The following MYOM2 variants were observed in gnomAD, a reference collection of about 807,000 sequenced individuals.
The protein encoded by MYOM2 is myomesin 2.
Under a neutral mutation model 187.6 loss-of-function variants are expected in MYOM2, and 254 were observed. That is an observed-to-expected ratio of 1.35 (90% CI 1.22 to 1.50). MYOM2 has a LOEUF of 1.50. Ranked by LOEUF, MYOM2 falls within the 40% of genes most tolerant of loss-of-function variation. The pLI is 0.00. For missense variants in MYOM2, 2,796 were observed against 1,924.0 expected (o/e 1.45, Z -8.48); for synonymous variants, 981 against 753.8 (o/e 1.30, Z -4.94).
At chr8:2,057,595 A>G (rs766434778) in intron 4 of MYOM2, 28 bp from the exon 5 acceptor site, 1 of 1,613,312 alleles carries the variant, frequency 6.2e-7, no homozygotes, top group Admixed American at 1.7e-5. Context: ...CTGCCTGGGA[A>G]CCTGACCATC....
At chr8:2,057,061 G>T (rs1175112771) in intron 3 of MYOM2, among the ~76,000 whole-genome samples, 1 of 152,156 alleles carries the variant, frequency 6.6e-6, no homozygotes, top group African/African-American at 2.4e-5. Flanking sequence ...TTGCAGTTGT[G>T]CACTGTCAGT....
rs191647850 is a variant in MYOM2 at position 2,078,869 on chromosome 8, C to G, written c.1398C>G (p.Ser466Arg). The G allele has an allele frequency of 4.5e-4, 719 of 1,614,076 alleles. No homozygotes were observed. The highest frequency in any genetic ancestry group is 4.2e-4 in the Non-Finnish European group (496 of 1,179,940). ...GGGCAGTGAACAGTGCGGGCATCAG[C>G]CGACCCTCCAGGGTCTCTGATGCGG... ...RVRAVNSAGI[S>R]RPSRVSDAVA... Residue 466 changes from serine to arginine, a missense_variant, in exon 12 of 37, where the codon AGC becomes AGG. Ser to Arg is a moderately radical substitution (Grantham distance 110, BLOSUM62 -1). Coordinates refer to ENST00000262113, the MANE Select transcript of MYOM2 (RefSeq NM_003970.4).
At chr8:2,050,238 G>T (rs182412706) in intron 1 of MYOM2, among the ~76,000 whole-genome samples, 10 of 151,876 alleles carry the variant, frequency 6.6e-5, no homozygotes, top group African/African-American at 2.2e-4. Context: ...TCCCACCTCC[G>T]CCTGGCAGTC....
Position 2,105,982 on chromosome 8 carries a change from G to A in MYOM2, c.2735-260G>A, listed in dbSNP as rs117568069. 2.4e-3 allele frequency among the ~76,000 whole-genome samples: 367 copies of A among 152,288 alleles called. 12 individuals are homozygous for A. The East Asian group carries it at 0.062, about 26-fold the overall frequency. On this transcript the variant is annotated intron_variant, in intron 21 of 36. Coordinates refer to ENST00000262113, the MANE Select transcript of MYOM2 (RefSeq NM_003970.4). ...AGGGCACTTCTTCACAGGGCGGCAG[G>A]ACAGAGTGAGTGCCAGCAGGGGGAA...
At chr8:2,113,293 C>A (rs17751791) in intron 25 of MYOM2, among the ~76,000 whole-genome samples, 19,622 of 152,294 alleles carry the variant, frequency 0.13, 1,676 homozygotes, top group Non-Finnish European at 0.19. Flanking sequence ...CGTCAAGACC[C>A]TGCTCAATGT....
Position 2,085,500 on chromosome 8 carries a change from T to TGATCTCCGCGTGGCCTCACTGTC in MYOM2, c.1644+111_1644+112insATCTCCGCGTGGCCTCACTGTCG. 3.2e-6 allele frequency: 2 copies of TGATCTCCGCGTGGCCTCACTGTC among 629,098 alleles called. 1 individual carries two copies. The highest frequency in any genetic ancestry group is 4.1e-6 in the Non-Finnish European group (2 of 484,020). The allele number at this position is 629,098 out of a possible 1,614,324, so 39.0% of individuals were successfully genotyped here. A position where few individuals can be genotyped will look rare whatever the true frequency, so the allele number is the denominator to read the frequency against. On this transcript the variant is annotated intron_variant, in intron 14 of 36. Transcript: ENST00000262113. ...TGATCTCCGCGTGGCCCCTCACTGT[T>TGATCTCCGCGTGGCCTCACTGTC]GTGATCTCCGCGTGGCCCCCCACTG...
At chr8:2,077,844 C>T (rs778405498) in intron 11 of MYOM2, among the ~76,000 whole-genome samples, 5 of 152,206 alleles carry the variant, frequency 3.3e-5, no homozygotes, top group East Asian at 1.9e-4. Flanking sequence ...TTTGGGCTTA[C>T]GACTTGCCAG....
At chr8:2,107,579 C>T (rs981418958) in intron 23 of MYOM2, among the ~76,000 whole-genome samples, 2 of 152,050 alleles carry the variant, frequency 1.3e-5, no homozygotes, top group African/African-American at 2.4e-5. Context: ...CTCGGCTTCT[C>T]GAGTGTGCAG....
intron 14 of MYOM2, among the ~76,000 whole-genome samples, chr8:2,086,451 G>GATCTCCACGTGGCCACACACTGTCA (rs1796067076): frequency 1.8e-5 from 1 of 55,748 alleles, no homozygotes; most frequent in Non-Finnish European, 4.5e-5. Context: ...CCCTACTGTC[G>GATCTCCACGTGGCCACACACTGTCA]TGATCTCCAC....
At chr8:2,143,366 G>C in intron 35 of MYOM2, 35 bp from the exon 36 acceptor site, 3 of 1,614,086 alleles carry the variant, frequency 1.9e-6, no homozygotes, top group African/African-American at 1.3e-5. Context: ...ACGTCCCGCA[G>C]ATGTTTTCCT....
intron 13 of MYOM2, among the ~76,000 whole-genome samples, chr8:2,080,873 G>A (rs1317543982): frequency 3.3e-5 from 5 of 150,778 alleles, no homozygotes; most frequent in Non-Finnish European, 5.9e-5. Context: ...CTGATCTGCG[G>A]GAGGAACAGG....
chr8:2,051,670 G>A (rs979754513), intron 2 of MYOM2, among the ~76,000 whole-genome samples: 2 of 152,206 alleles, frequency 1.3e-5, no homozygotes, highest in South Asian at 2.1e-4. Flanking sequence ...TAATCCTGGC[G>A]TGGAGCCAGA....
chr8:2,067,741 GT>G (rs1819064272), intron 6 of MYOM2, among the ~76,000 whole-genome samples: 1 of 101,720 alleles, frequency 9.8e-6, no homozygotes, highest in Non-Finnish European at 2.1e-5. Flanking sequence ...CTATTCCTAA[GT>G]CATGTTTTTT....
At position 2,052,458 on chromosome 8, in the gene MYOM2, G is replaced by C. The variant is rs142591720; in HGVS notation, c.263+145G>C. On this transcript the variant is annotated intron_variant, in intron 3 of 36. Transcript: ENST00000262113. The stretch of plus-strand genomic sequence containing the variant: ...TGCCTGGGGTGAGAGGGAGAATGCT[G>C]CTGTTTCCCAATCACCTGCTTCTCT... 2.2e-5 allele frequency: 19 copies of C among 846,026 alleles called. No individual in the cohort carries two copies. In the African/African-American group the frequency reaches 2.8e-4, roughly 12 times the overall value. The allele number at this position is 846,026 out of a possible 1,614,324, so 52.4% of individuals were successfully genotyped here. A position where few individuals can be genotyped will look rare whatever the true frequency, so the allele number is the denominator to read the frequency against.
rs116379115 is a variant in MYOM2, at chr8:2,143,154, C to G, written c.4025-247C>G. On this transcript the variant is annotated intron_variant, in intron 35 of 36. Coordinates refer to ENST00000262113, the MANE Select transcript of MYOM2 (RefSeq NM_003970.4). ...CACCCTTCAAGCCCAGTTCCCATCTCACATTTCCTCTGGAGTGTTTCTCCC... is the reference window on the plus strand; with the variant it reads ...CACCCTTCAAGCCCAGTTCCCATCTGACATTTCCTCTGGAGTGTTTCTCCC... Among the ~76,000 whole-genome samples the G allele has an allele frequency of 9.5e-3, 1,443 of 152,254 alleles. 17 individuals are homozygous for G. The highest frequency in any genetic ancestry group is 0.031 in the African/African-American group (1,271 of 41,550).
chr8:2,136,241 C>T (rs114225076), intron 32 of MYOM2, among the ~76,000 whole-genome samples: 19,801 of 152,126 alleles, frequency 0.13, 2,184 homozygotes, highest in African/African-American at 0.28. Flanking sequence ...CAGCTGCAGC[C>T]CAGGGAAGGG....
chr8:2,045,572 A>C (rs1818285010), intron 1 of MYOM2, among the ~76,000 whole-genome samples: 1 of 152,242 alleles, frequency 6.6e-6, no homozygotes, highest in Non-Finnish European at 1.5e-5. Flanking sequence ...GGTGTGAAAT[A>C]ATAAAACTGG....
intron 19 of MYOM2, among the ~76,000 whole-genome samples, chr8:2,100,065 CTT>C (rs1796635478): frequency 3.1e-5 from 2 of 64,436 alleles, no homozygotes; most frequent in South Asian, 1.5e-3. Context: ...TCCTTCCTTC[CTT>C]CTTTCCTTCC....
rs1226961498 is a variant in MYOM2, at chr8:2,050,756, A to G, written c.-11A>G. On this transcript the variant is annotated splice_region_variant and 5_prime_UTR_variant, in exon 2 of 37. Coordinates refer to ENST00000262113, the MANE Select transcript of MYOM2 (RefSeq NM_003970.4). ...TGTTGTGTGTGACTCTCTTTGTAGGAGCACGCCAAGATGTCCCTTGTGACT... is the reference window on the plus strand; with the variant it reads ...TGTTGTGTGTGACTCTCTTTGTAGGGGCACGCCAAGATGTCCCTTGTGACT... The G allele has an allele frequency of 1.3e-6, 2 of 1,593,246 alleles. No homozygotes were observed. Among genetic ancestry groups the G allele is most frequent in the South Asian group, 2.2e-5 (2 of 90,506 alleles).
Sources: gnomAD v4.1 joint callset for allele counts (sites outside exome capture counted in the v4.1 genomes callset) on GRCh38, gnomAD v4.1.1 for gene constraint, MANE v1.5 for transcripts, NCBI Gene and HGNC (gene_info 2026-07-23, HGNC 2026-07-21) for gene names.